Variants in ABTB2 observed in about 807,000 individuals in gnomAD.
ABTB2 encodes ankyrin repeat and BTB domain containing 2.
A neutral mutation model predicts 104.1 loss-of-function variants in ABTB2; 56 were observed. The observed-to-expected ratio is 0.54, with a 90% CI of 0.43 to 0.67. ABTB2 has a LOEUF of 0.67. Among genes scored for constraint, ABTB2 ranks in the 30% least tolerant of loss-of-function variants. The pLI is 0.00. For missense variants in ABTB2, 1,279 were observed against 1,407.7 expected, an observed-to-expected ratio of 0.91 and a Z score of 1.46; for synonymous variants, 606 against 608.2, an observed-to-expected ratio of 1.00 and a Z score of 0.05.
intron 1 of ABTB2, among the ~76,000 whole-genome samples, chr11:34,261,678 C>T (rs750068015): frequency 6.6e-6 from 1 of 152,098 alleles, no homozygotes; most frequent in Non-Finnish European, 1.5e-5. Context: ...ATGAGTTAAT[C>T]CACTTAGATC....
At chr11:34,253,463 A>T (rs1854079901) in intron 1 of ABTB2, among the ~76,000 whole-genome samples, 1 of 152,034 alleles carries the variant, frequency 6.6e-6, no homozygotes, top group Non-Finnish European at 1.5e-5. Context: ...AGATCACAAG[A>T]TCAGGAGTTC....
At chr11:34,267,975 G>A (rs910222137) in intron 1 of ABTB2, among the ~76,000 whole-genome samples, 3 of 152,200 alleles carry the variant, frequency 2.0e-5, no homozygotes, top group Admixed American at 6.5e-5. Context: ...CTGTTGCCCA[G>A]GCTGGAGTGC....
At chr11:34,191,097 T>C (rs1308568066) in intron 3 of ABTB2, among the ~76,000 whole-genome samples, 1 of 152,124 alleles carries the variant, frequency 6.6e-6, no homozygotes, top group Admixed American at 6.6e-5. Flanking sequence ...GGCACCCTCC[T>C]CCCCTTGGTC....
rs550927170 is a variant in ABTB2, at chr11:34,159,484, C to T, written c.2607-98G>A. On this transcript the variant is annotated intron_variant, in intron 13 of 16. Coordinates refer to ENST00000435224, the MANE Select transcript of ABTB2 (RefSeq NM_145804.3). ...TGTCACCTGACCGGCTACCACAAGA[C>T]GGAACATTTTAAAAATTACTGCTGT... 6.7e-5 allele frequency: 53 copies of T among 795,174 alleles called. 1 individual carries two copies. The highest frequency in any genetic ancestry group is 3.7e-4 in the South Asian group (25 of 68,136). The allele number at this position is 795,174 out of a possible 1,614,324, so 49.3% of individuals were successfully genotyped here.
chr11:34,173,621 C>T (rs372510738), intron 3 of ABTB2, among the ~76,000 whole-genome samples: 1 of 152,144 alleles, frequency 6.6e-6, no homozygotes, highest in East Asian at 1.9e-4. Context: ...CCATCATGGG[C>T]CATTAGCAGA....
At position 34,152,342 on chromosome 11, in the gene ABTB2, T is replaced by C; in HGVS notation, c.*45A>G. On this transcript the variant is annotated 3_prime_UTR_variant, in exon 17 of 17. Coordinates refer to ENST00000435224, the MANE Select transcript of ABTB2 (RefSeq NM_145804.3). ...AACCATACCCCGACATGGTGGGCCC[T>C]GGCACCTCCACAGGCCCTGGCCTCG... 6.5e-7 allele frequency: 1 copy of C among 1,528,902 alleles called. No homozygotes were observed. The highest frequency in any genetic ancestry group is 8.8e-7 in the Non-Finnish European group (1 of 1,135,462). 94.7% of individuals were successfully genotyped at this position (1,528,902 alleles called of 1,614,324 possible). A position where few individuals can be genotyped will look rare whatever the true frequency, so the allele number is the denominator to read the frequency against.
intron 1 of ABTB2, among the ~76,000 whole-genome samples, chr11:34,254,215 C>T (rs888471237): frequency 6.6e-6 from 1 of 151,950 alleles, no homozygotes; most frequent in East Asian, 1.9e-4. Flanking sequence ...CTCATAAACT[C>T]GTGTTCTTTC....
Position 34,152,572 on chromosome 11 carries a change from G to A in ABTB2, c.2893C>T (p.Pro965Ser), listed in dbSNP as rs751915029. The A allele has an allele frequency of 1.9e-6, 3 of 1,580,020 alleles. No individual in the cohort carries two copies. Among genetic ancestry groups the A allele is most frequent in the Non-Finnish European group, 2.6e-6 (3 of 1,150,576 alleles). ...TYKYAKIHNAPELALFCEGFF... is the reference protein window; with the variant it reads ...TYKYAKIHNASELALFCEGFF... ...CCCTCACAGAACAGGGCCAGTTCTG[G>A]GGCATTGTGGATCTGTAGGGCAGAG... The change falls in exon 17 of 17, where the codon CCA (proline) becomes TCA (serine). Residue 965 changes from proline to serine, a missense_variant. Physicochemically the swap from Pro to Ser is moderately conservative, Grantham distance 74 (BLOSUM62 -1). Coordinates refer to ENST00000435224, the MANE Select transcript of ABTB2 (RefSeq NM_145804.3).
At chr11:34,202,472 C>T (rs1170151649) in intron 2 of ABTB2, among the ~76,000 whole-genome samples, 2 of 151,942 alleles carry the variant, frequency 1.3e-5, no homozygotes, top group East Asian at 1.9e-4. Context: ...CCGAGTGAGC[C>T]GGGAAGCCAT....
At position 34,356,917 on chromosome 11, in the gene ABTB2, T is replaced by C; in HGVS notation, c.667A>G (p.Ile223Val). The C allele has an allele frequency of 1.9e-6, 3 of 1,602,948 alleles. No homozygotes were observed. Among genetic ancestry groups the C allele is most frequent in the Non-Finnish European group, 1.7e-6 (2 of 1,174,828 alleles). ...WMVDTRISVR[I>V]HEYAAISLTA... ...AGGGAGATGGCTGCGTACTCGTGGATGCGCACGGAGATTCGGGTGTCCACC... is the reference window on the plus strand; with the variant it reads ...AGGGAGATGGCTGCGTACTCGTGGACGCGCACGGAGATTCGGGTGTCCACC... The change falls in exon 1 of 17, where the codon ATC becomes GTC. Residue 223 changes from isoleucine to valine, a missense_variant. Coordinates refer to ENST00000435224, the MANE Select transcript of ABTB2 (RefSeq NM_145804.3). This position sits in a 1 kb window ranked among gnomAD's most constrained non-coding sequence, Gnocchi z 4.6.
chr11:34,154,799 C>T lies in ABTB2; in HGVS notation c.2698-30G>A. ...GGTGGGAAGAGGCCCATGTGAATGC[C>T]ACGTGAACCTGAGGCATGAAAGTCC... is the stretch of plus-strand genomic sequence containing the variant. On this transcript the variant is annotated intron_variant, in intron 14 of 16. Transcript: ENST00000435224. This position sits in a 1 kb window ranked among gnomAD's most constrained non-coding sequence, Gnocchi z 4.9. The T allele has an allele frequency of 6.2e-7, 1 of 1,611,204 alleles. No individual in the cohort carries two copies.
intron 1 of ABTB2, among the ~76,000 whole-genome samples, chr11:34,287,864 C>T (rs1854524715): frequency 2.0e-5 from 3 of 152,162 alleles, no homozygotes; most frequent in African/African-American, 4.8e-5. Context: ...TGTCTGTCTC[C>T]ACTCCCCCAG....
intron 10 of ABTB2, among the ~76,000 whole-genome samples, 160 bp downstream of exon 10, chr11:34,162,415 AG>A (rs1321260984): frequency 6.6e-6 from 1 of 152,070 alleles, no homozygotes; most frequent in East Asian, 1.9e-4. Context: ...GCCGTGTAGC[AG>A]GGGGGTCCCA....
chr11:34,208,392 T>C (rs1333116479), intron 1 of ABTB2, among the ~76,000 whole-genome samples: 1 of 152,172 alleles, frequency 6.6e-6, no homozygotes, highest in Non-Finnish European at 1.5e-5. Flanking sequence ...GGACAACCGC[T>C]TTGGGACCAT....
chr11:34,236,495 G>A lies in ABTB2; in HGVS notation c.884-31805C>T, dbSNP rs529117293. ...TAGGGCTGGAGAAGGACTCTGTGCC[G>A]CCAGTTTTCCCTAACAGCAGCATTT... On this transcript the variant is annotated intron_variant, in intron 1 of 16. Coordinates refer to ENST00000435224, the MANE Select transcript of ABTB2 (RefSeq NM_145804.3). Among the ~76,000 whole-genome samples the A allele has an allele frequency of 7.2e-5, 11 of 152,228 alleles. No individual in the cohort carries two copies. In the East Asian group the frequency reaches 1.9e-3, roughly 27 times the overall value.
chr11:34,208,551 T>A (rs531728454), intron 1 of ABTB2, among the ~76,000 whole-genome samples: 1 of 152,320 alleles, frequency 6.6e-6, no homozygotes, highest in East Asian at 1.9e-4. Flanking sequence ...TACTCGAATG[T>A]GCTGTGGACT....
At chr11:34,279,787 C>CT (rs397849748) in intron 1 of ABTB2, among the ~76,000 whole-genome samples, 15,313 of 129,522 alleles carry the variant, frequency 0.12, 1,144 homozygotes, top group African/African-American at 0.18. Flanking sequence ...CTTTCTTCTT[C>CT]TTTTTTTTTT....
chr11:34,163,694 G>GGACCCAAT, intron 9 of ABTB2, among the ~76,000 whole-genome samples: 1 of 152,322 alleles, frequency 6.6e-6, no homozygotes, highest in South Asian at 2.1e-4. Context: ...AAGGACCCAA[G>GGACCCAAT]GTCCCTCCCA....
At chr11:34,168,429 G>A (rs1220918868) in intron 5 of ABTB2, among the ~76,000 whole-genome samples, 2 of 152,198 alleles carry the variant, frequency 1.3e-5, no homozygotes, top group Non-Finnish European at 2.9e-5. Context: ...TTGATTAAGA[G>A]CTATGTAATT....
Sources: allele counts gnomAD v4.1 joint callset (sites outside exome capture counted in the v4.1 genomes callset), GRCh38; gene constraint gnomAD v4.1.1; non-coding constraint Gnocchi (gnomAD v3.1); transcripts MANE v1.5; gene names NCBI Gene and HGNC (gene_info 2026-07-23, HGNC 2026-07-21).